NPY2R: variants seen among roughly 807,000 people sequenced by gnomAD.
The protein encoded by NPY2R is neuropeptide Y receptor type 2.
A neutral mutation model predicts 22.3 loss-of-function variants in NPY2R; 17 were observed. The ratio of observed to expected loss-of-function variants is 0.76; its 90% CI spans 0.52 to 1.14. NPY2R has a LOEUF of 1.14. Among genes scored for constraint, NPY2R ranks in the 50% most tolerant of loss-of-function variants. The probability of loss-of-function intolerance (pLI) is 0.00; values close to 1 mark genes in which losing one functional copy is unlikely to be tolerated. For missense variants in NPY2R, 424 were observed against 467.9 expected, an observed-to-expected ratio of 0.91 and a Z score of 0.87; for synonymous variants, 209 against 183.4, an observed-to-expected ratio of 1.14 and a Z score of -1.13.
At position 155,215,172 on chromosome 4, in the gene NPY2R, C is replaced by T. The variant is rs868711156; in HGVS notation, c.*87C>T. ...GCGGCTCACAAGTGAAAACTGATTT[C>T]CCATTTTAAAGAAGAAGTGGATCTA... is the stretch of plus-strand genomic sequence containing the variant. On this transcript the variant is annotated 3_prime_UTR_variant, in exon 2 of 2. Coordinates refer to ENST00000329476, the MANE Select transcript of NPY2R (RefSeq NM_000910.4). 1 of 1,254,682 alleles carries T rather than the reference C, an allele frequency of 8.0e-7. No homozygotes were observed. Among genetic ancestry groups the T allele is most frequent in the East Asian group, 2.4e-5 (1 of 41,654 alleles). 77.7% of individuals were successfully genotyped at this position (1,254,682 alleles called of 1,614,324 possible). A position where few individuals can be genotyped will look rare whatever the true frequency, so the allele number is the denominator to read the frequency against.
the NPY2R span, among the ~76,000 whole-genome samples, chr4:155,200,124 A>C: frequency 6.6e-6 from 1 of 152,316 alleles, no homozygotes; most frequent in South Asian, 2.1e-4. Context: ...TAATATCAAA[A>C]ATCTACGAAG....
chr4:155,209,775 T>A (rs962470382), intron 1 of NPY2R, among the ~76,000 whole-genome samples: 3 of 152,034 alleles, frequency 2.0e-5, no homozygotes, highest in African/African-American at 7.2e-5. Flanking sequence ...TATTTTTCCC[T>A]GGGAAAAATG....
chr4:155,181,805 C>G, the NPY2R span, among the ~76,000 whole-genome samples: 1 of 152,132 alleles, frequency 6.6e-6, no homozygotes, highest in East Asian at 1.9e-4. Context: ...CCCAAATGGA[C>G]TAAGATGTTC....
chr4:155,180,349 C>G, the NPY2R span, among the ~76,000 whole-genome samples: 1 of 152,252 alleles, frequency 6.6e-6, no homozygotes, highest in Non-Finnish European at 1.5e-5. Flanking sequence ...TTTCCTTTAA[C>G]ACAAAGAGTG....
intron 1 of NPY2R, 57 bp downstream of exon 1, chr4:155,209,126 G>A (rs1442124166): frequency 6.6e-6 from 1 of 152,256 alleles, no homozygotes; most frequent in African/African-American, 2.4e-5. Context: ...CCCTAGAGGA[G>A]CGCTCGGTTC....
chr4:155,199,530 A>G, the NPY2R span, among the ~76,000 whole-genome samples: 37 of 152,178 alleles, frequency 2.4e-4, no homozygotes, highest in African/African-American at 8.7e-4. Context: ...TAAAATTTAT[A>G]TGGAACCAAA....
At chr4:155,174,484 A>ATATATATATATATATATATATATATATT in the NPY2R span, among the ~76,000 whole-genome samples, 33 of 106,048 alleles carry the variant, frequency 3.1e-4, no homozygotes, top group African/African-American at 1.4e-3. Context: ...ATATATATAT[A>ATATATATATATATATATATATATATATT]TTTTTTTTTT....
chr4:155,211,202 G>C (rs920604752), intron 1 of NPY2R, among the ~76,000 whole-genome samples: 12 of 152,142 alleles, frequency 7.9e-5, no homozygotes, highest in Non-Finnish European at 1.8e-4. Context: ...ATGCTATATA[G>C]TGTGCTAGGG....
At chr4:155,174,484 A>ATATATATATATATATATATATAT in the NPY2R span, among the ~76,000 whole-genome samples, 277 of 105,934 alleles carry the variant, frequency 2.6e-3, 1 homozygote, top group South Asian at 6.0e-3. Flanking sequence ...ATATATATAT[A>ATATATATATATATATATATATAT]TTTTTTTTTT....
At chr4:155,177,601 C>T in the NPY2R span, among the ~76,000 whole-genome samples, 1 of 151,996 alleles carries the variant, frequency 6.6e-6, no homozygotes, top group African/African-American at 2.4e-5. Flanking sequence ...CAGGCATAGC[C>T]CTGCTCCCAT....
chr4:155,181,481 T>C, the NPY2R span, among the ~76,000 whole-genome samples: 3 of 152,156 alleles, frequency 2.0e-5, no homozygotes. Flanking sequence ...AACCTTACTA[T>C]GGTCTGGATG....
the NPY2R span, chr4:155,174,416 G>A: frequency 6.8e-6 from 1 of 146,102 alleles, no homozygotes; most frequent in Admixed American, 6.8e-5. Context: ...AAGTGATAGA[G>A]CTCAGATATT....
chr4:155,175,542 T>TATG, the NPY2R span, among the ~76,000 whole-genome samples: 1 of 152,206 alleles, frequency 6.6e-6, no homozygotes, highest in Admixed American at 6.6e-5. Flanking sequence ...CATTTTATTT[T>TATG]ATGTGTAATT....
upstream of NPY2R, chr4:155,206,825 G>C (rs1247413515): frequency 1.3e-5 from 2 of 152,162 alleles, no homozygotes; most frequent in African/African-American, 4.8e-5. Context: ...ATTTGTTTTT[G>C]TGGTCGTTGT....
chr4:155,176,780 C>T, the NPY2R span, among the ~76,000 whole-genome samples: 84 of 152,124 alleles, frequency 5.5e-4, 1 homozygote, highest in Non-Finnish European at 1.1e-3. Flanking sequence ...ATCAGGGCAC[C>T]GGCAGACTTG....
chr4:155,215,138 T>C lies in NPY2R; in HGVS notation c.*53T>C. The C allele has an allele frequency of 6.6e-7, 1 of 1,517,060 alleles. No homozygotes were observed. Among genetic ancestry groups the C allele is most frequent in the South Asian group, 1.1e-5 (1 of 88,946 alleles). The allele number at this position is 1,517,060 out of a possible 1,614,324, so 94.0% of individuals were successfully genotyped here. On this transcript the variant is annotated 3_prime_UTR_variant, in exon 2 of 2. Coordinates refer to ENST00000329476, the MANE Select transcript of NPY2R (RefSeq NM_000910.4). ...TGAATTCTGACCAGAGCTATGAATCTGGTTGATGGCGGCTCACAAGTGAAA... is the reference window on the plus strand; with the variant it reads ...TGAATTCTGACCAGAGCTATGAATCCGGTTGATGGCGGCTCACAAGTGAAA...
At chr4:155,189,490 T>C in the NPY2R span, among the ~76,000 whole-genome samples, 8 of 152,026 alleles carry the variant, frequency 5.3e-5, no homozygotes, top group Non-Finnish European at 1.2e-4. Flanking sequence ...ATAGGACTTA[T>C]CACCTTGTGA....
the NPY2R span, among the ~76,000 whole-genome samples, chr4:155,184,769 CTAAT>C: frequency 6.6e-6 from 1 of 151,998 alleles, no homozygotes; most frequent in Non-Finnish European, 1.5e-5. Context: ...ATCTATTAGT[CTAAT>C]TGTGTCTGGC....
At chr4:155,195,624 G>A in the NPY2R span, among the ~76,000 whole-genome samples, 1 of 151,182 alleles carries the variant, frequency 6.6e-6, no homozygotes, top group African/African-American at 2.4e-5. Context: ...TACCATCTTA[G>A]TGGCATATAA....
Sources: allele counts gnomAD v4.1 joint callset (sites outside exome capture counted in the v4.1 genomes callset), GRCh38; gene constraint gnomAD v4.1.1; transcripts MANE v1.5; gene names NCBI Gene and HGNC (gene_info 2026-07-23, HGNC 2026-07-21).